The following ZBTB20 variants were observed in gnomAD, a reference collection of about 807,000 sequenced individuals.
The protein encoded by ZBTB20 is zinc finger and BTB domain-containing protein 20.
Under a neutral mutation model 56.9 loss-of-function variants are expected in ZBTB20, and 9 were observed. The observed-to-expected ratio is 0.16, with a 90% confidence interval of 0.10 to 0.28. The LOEUF (loss-of-function observed/expected upper bound fraction) is 0.28, where lower values mean the gene tolerates loss of function less well. Ranked by LOEUF, ZBTB20 falls within the 10% of genes least tolerant of loss-of-function variation. The probability of loss-of-function intolerance (pLI) is 1.00; values close to 1 mark genes in which losing one functional copy is unlikely to be tolerated. For missense variants in ZBTB20, 655 were observed against 1,003.0 expected (o/e 0.65, Z 4.69); for synonymous variants, 417 against 420.7 (o/e 0.99, Z 0.11).
rs140429742 is a variant in ZBTB20 at position 114,605,713 on chromosome 3, A to C, written c.-295+87815T>G. 2.0e-3 allele frequency among the ~76,000 whole-genome samples: 301 copies of C among 152,300 alleles called. 3 individuals are homozygous for C. Among genetic ancestry groups the C allele is most frequent in the African/African-American group, 6.9e-3 (286 of 41,566 alleles). On this transcript the variant is annotated intron_variant, in intron 6 of 11. Coordinates refer to ENST00000675478, the MANE Select transcript of ZBTB20 (RefSeq NM_001348800.3). ...AGGCGTGGGACTCTGACTTTTAATG[A>C]GGAGGCTCAATAACAAGTTTTGAGG...
At chr3:114,584,065 C>T (rs998863298) in intron 6 of ZBTB20, among the ~76,000 whole-genome samples, 7 of 152,102 alleles carry the variant, frequency 4.6e-5, no homozygotes, top group Non-Finnish European at 7.4e-5. Context: ...TAAAATTCTA[C>T]GTATCTAATG....
intron 6 of ZBTB20, among the ~76,000 whole-genome samples, chr3:114,593,765 T>C (rs570114157): frequency 1.3e-5 from 2 of 152,304 alleles, no homozygotes; most frequent in Admixed American, 1.3e-4. Context: ...CTAGTGTCTT[T>C]TGGAGCAAGG....
chr3:114,519,984 T>C (rs775908226), intron 6 of ZBTB20: 1 of 150,924 alleles, frequency 6.6e-6, no homozygotes, highest in African/African-American at 2.4e-5. Flanking sequence ...AAAAGGGAAA[T>C]GGCAAGAAAA....
intron 6 of ZBTB20, among the ~76,000 whole-genome samples, chr3:114,513,600 G>A (rs976812176): frequency 1.3e-4 from 20 of 152,216 alleles, no homozygotes; most frequent in African/African-American, 4.8e-4. Context: ...ATTTCAACCT[G>A]CTTGACAGGT....
chr3:114,434,395 T>C (rs1454141341), intron 7 of ZBTB20, among the ~76,000 whole-genome samples: 4 of 152,064 alleles, frequency 2.6e-5, no homozygotes, highest in African/African-American at 9.7e-5. Context: ...CCATATAAGA[T>C]CGTATTTCCC....
At chr3:114,867,884 C>T (rs1458226330) in intron 4 of ZBTB20, among the ~76,000 whole-genome samples, 2 of 152,220 alleles carry the variant, frequency 1.3e-5, no homozygotes, top group African/African-American at 4.8e-5. Flanking sequence ...ATGCGAGTTA[C>T]ATTAATATCT....
intron 4 of ZBTB20, among the ~76,000 whole-genome samples, chr3:114,823,454 T>C (rs923186215): frequency 1.3e-4 from 19 of 149,044 alleles, no homozygotes; most frequent in African/African-American, 4.8e-4. Flanking sequence ...AAAGGACTTA[T>C]AAGAATATAA....
At chr3:114,853,448 C>A (rs74424780) in intron 4 of ZBTB20, among the ~76,000 whole-genome samples, 3,640 of 152,308 alleles carry the variant, frequency 0.024, 52 homozygotes, top group South Asian at 0.051. Flanking sequence ...TGTTGCACAG[C>A]AACATATGCG....
intron 4 of ZBTB20, among the ~76,000 whole-genome samples, chr3:114,822,503 G>A (rs1299379803): frequency 6.6e-6 from 1 of 151,894 alleles, no homozygotes; most frequent in African/African-American, 2.4e-5. Flanking sequence ...ACAATGATAA[G>A]ACCTTATTTT....
chr3:114,846,412 TGCTA>T (rs1156325557), intron 4 of ZBTB20, among the ~76,000 whole-genome samples: 2 of 152,206 alleles, frequency 1.3e-5, no homozygotes, highest in East Asian at 3.8e-4. Context: ...TTGTGTTTGA[TGCTA>T]GCTGCAAGCA....
chr3:114,964,026 T>C (rs2077550409), intron 3 of ZBTB20, among the ~76,000 whole-genome samples: 1 of 152,176 alleles, frequency 6.6e-6, no homozygotes, highest in African/African-American at 2.4e-5. Flanking sequence ...TAAACATTTA[T>C]TGAGTAAATA....
intron 7 of ZBTB20, among the ~76,000 whole-genome samples, chr3:114,484,926 C>T (rs564532046): frequency 1.3e-5 from 2 of 152,166 alleles, no homozygotes; most frequent in African/African-American, 2.4e-5. Flanking sequence ...AGAAGTAATC[C>T]CCATATAATA....
Position 114,462,803 on chromosome 3 carries a change from C to G in ZBTB20, c.-255+37549G>C, listed in dbSNP as rs547225612. 1.2e-4 allele frequency among the ~76,000 whole-genome samples: 19 copies of G among 152,232 alleles called. No individual in the cohort carries two copies. In the East Asian group the frequency reaches 2.7e-3, roughly 22 times the overall value. ...CCAATCTCTGAGTAATGAAAATTTG[C>G]AGTATTTCTCAACAGCTCTATATAT... is the stretch of plus-strand genomic sequence containing the variant. On this transcript the variant is annotated intron_variant, in intron 7 of 11. Transcript: ENST00000675478.
intron 6 of ZBTB20, among the ~76,000 whole-genome samples, chr3:114,662,068 C>T (rs1235458665): frequency 1.6e-5 from 2 of 128,932 alleles, no homozygotes; most frequent in African/African-American, 5.8e-5. Flanking sequence ...CCCCACCCCA[C>T]CACAGTCCCC....
rs574431491 is a variant in ZBTB20, at chr3:114,849,884, T to C, written c.-416-48710A>G. Among the ~76,000 whole-genome samples, 95 of 147,362 alleles carry C rather than the reference T, an allele frequency of 6.4e-4. 1 individual carries two copies. Among genetic ancestry groups the C allele is most frequent in the African/African-American group, 1.7e-3 (70 of 40,410 alleles). ...TAATAACAGCCCCAAATTAAGGCAATAGAATCAGGAAATCTTTTTTTTTTT... is the reference window on the plus strand; with the variant it reads ...TAATAACAGCCCCAAATTAAGGCAACAGAATCAGGAAATCTTTTTTTTTTT... On this transcript the variant is annotated intron_variant, in intron 4 of 11. Coordinates refer to ENST00000675478, the MANE Select transcript of ZBTB20 (RefSeq NM_001348800.3).
chr3:114,464,919 TC>T (rs1323148394), intron 7 of ZBTB20, among the ~76,000 whole-genome samples: 1 of 152,200 alleles, frequency 6.6e-6, no homozygotes, highest in African/African-American at 2.4e-5. Context: ...AGGTTCTTTT[TC>T]TTTCAGCTCT....
chr3:114,497,339 C>T (rs929653290), intron 7 of ZBTB20, among the ~76,000 whole-genome samples: 5 of 152,142 alleles, frequency 3.3e-5, no homozygotes, highest in African/African-American at 4.8e-5. Flanking sequence ...CTCCTCTGCA[C>T]GGCATACAAG....
At chr3:115,112,688 T>A (rs1276645316) in intron 1 of ZBTB20, among the ~76,000 whole-genome samples, 1 of 152,228 alleles carries the variant, frequency 6.6e-6, no homozygotes, top group Admixed American at 6.5e-5. Context: ...CACATTTTTT[T>A]ATCCATTTGT....
At chr3:114,884,732 A>C (rs2076539263) in intron 4 of ZBTB20, among the ~76,000 whole-genome samples, 1 of 152,224 alleles carries the variant, frequency 6.6e-6, no homozygotes, top group Non-Finnish European at 1.5e-5. Flanking sequence ...TCTATGTTAA[A>C]TCTTGGGCTC....
Sources: allele counts gnomAD v4.1 joint callset (sites outside exome capture counted in the v4.1 genomes callset), GRCh38; gene constraint gnomAD v4.1.1; transcripts MANE v1.5; gene names NCBI Gene and HGNC (gene_info 2026-07-23, HGNC 2026-07-21).